Variants in ASB4 observed in about 807,000 individuals in gnomAD.
The protein encoded by ASB4 is ankyrin repeat and SOCS box containing 4, also known as ankyrin repeat and SOCS box protein 4.
Under a neutral mutation model 38.6 loss-of-function variants are expected in ASB4, and 35 were observed. The observed-to-expected ratio is 0.91, with a 90% CI of 0.69 to 1.20. The LOEUF is 1.20. Among genes scored for constraint, ASB4 ranks in the 50% most tolerant of loss-of-function variants. ASB4 has a pLI of 0.00. For synonymous variants in ASB4, 195 were observed against 201.3 expected, an observed-to-expected ratio of 0.97 and a Z score of 0.26; for missense variants, 557 against 527.2, an observed-to-expected ratio of 1.06 and a Z score of -0.55.
upstream of ASB4, among the ~76,000 whole-genome samples, chr7:95,484,026 TAAAA>T (rs11431388): frequency 7.2e-6 from 1 of 138,888 alleles, no homozygotes; most frequent in Non-Finnish European, 1.6e-5. Flanking sequence ...CATTAAAAAG[TAAAA>T]AAAAAAAAAA....
chr7:95,510,634 G>A (rs750962643), intron 2 of ASB4, among the ~76,000 whole-genome samples: 23 of 152,254 alleles, frequency 1.5e-4, no homozygotes, highest in Non-Finnish European at 2.2e-4. Flanking sequence ...TCTCAAGTTT[G>A]GGTTGCTTAC....
chr7:95,537,455 A>G lies in ASB4; in HGVS notation c.1093-116A>G, dbSNP rs560472398. The G allele has an allele frequency of 2.8e-4, 243 of 860,670 alleles. 1 individual carries two copies. The Middle Eastern group carries it at 2.9e-3, about 10-fold the overall frequency. 53.3% of individuals were successfully genotyped at this position (860,670 alleles called of 1,614,324 possible). ...ATTGCGTTTAATTTTTGCCTCACCA[A>G]TAGAGACCCTAGGAAGCTGCCATTA... On this transcript the variant is annotated intron_variant, in intron 4 of 4. Coordinates refer to ENST00000325885, the MANE Select transcript of ASB4 (RefSeq NM_016116.3).
At chr7:95,507,714 A>G (rs1355954883) in intron 2 of ASB4, among the ~76,000 whole-genome samples, 1 of 152,194 alleles carries the variant, frequency 6.6e-6, no homozygotes, top group African/African-American at 2.4e-5. Context: ...AAAAGAGTGC[A>G]GTTGAACCAG....
chr7:95,529,470 A>C (rs544702211), intron 3 of ASB4, among the ~76,000 whole-genome samples: 8 of 152,332 alleles, frequency 5.3e-5, no homozygotes, highest in African/African-American at 1.9e-4. Context: ...AGTTAGAAGA[A>C]AAGTTCTACT....
chr7:95,528,132 C>A lies in ASB4; in HGVS notation c.807C>A (p.His269Gln). The change falls in exon 3 of 5, where the codon CAC becomes CAA. Residue 269 changes from histidine to glutamine, a missense_variant. Physicochemically the swap from His to Gln is conservative, Grantham distance 24. Transcript: ENST00000325885. ...AAWNCDHVLM[H>Q]MMLEAGAEAN... ...GGAACTGTGACCACGTGCTCATGCA[C>A]ATGATGCTGGAAGCTGGCGCCGAAG... The A allele has an allele frequency of 6.2e-7, 1 of 1,614,210 alleles. No homozygotes were observed. Among genetic ancestry groups the A allele is most frequent in the Middle Eastern group, 1.6e-4 (1 of 6,062 alleles).
At chr7:95,544,790 G>T (rs1791011002), downstream of ASB4, among the ~76,000 whole-genome samples, 2 of 152,102 alleles carry the variant, frequency 1.3e-5, no homozygotes, top group African/African-American at 4.8e-5. Flanking sequence ...CGCTTCCCAG[G>T]TTCAAGGGAT....
chr7:95,533,704 G>A (rs1177396010), intron 3 of ASB4, among the ~76,000 whole-genome samples: 1 of 152,144 alleles, frequency 6.6e-6, no homozygotes, highest in African/African-American at 2.4e-5. Flanking sequence ...AAAAGACCCA[G>A]AGGTTAAATT....
At chr7:95,545,608 T>A in the ASB4 span, among the ~76,000 whole-genome samples, 1 of 152,174 alleles carries the variant, frequency 6.6e-6, no homozygotes, top group South Asian at 2.1e-4. Context: ...TTCCTGGGTG[T>A]GGTTTTGTTT....
intron 1 of ASB4, among the ~76,000 whole-genome samples, chr7:95,487,053 C>A (rs1585793467): frequency 1.3e-5 from 2 of 152,236 alleles, no homozygotes; most frequent in East Asian, 3.9e-4. Context: ...TAGAGACAGT[C>A]ATTATTTTAA....
upstream of ASB4, among the ~76,000 whole-genome samples, chr7:95,484,955 C>T (rs183896329): frequency 0.054 from 8,063 of 149,700 alleles, 250 homozygotes; most frequent in African/African-American, 0.073. Flanking sequence ...TTTACACACA[C>T]ATATATATAT....
At chr7:95,485,785 C>T (rs1459170341), upstream of ASB4, 7 of 526,894 alleles carry the variant, frequency 1.3e-5, no homozygotes, top group East Asian at 2.8e-5. Context: ...GTTTAAAGGA[C>T]CTGAAAATGT....
chr7:95,501,063 C>A (rs1033327935), intron 2 of ASB4, among the ~76,000 whole-genome samples: 1 of 152,036 alleles, frequency 6.6e-6, no homozygotes, highest in Non-Finnish European at 1.5e-5. Flanking sequence ...AACATGCAAG[C>A]TTTTTATTTT....
At chr7:95,523,544 G>T (rs1790691840) in intron 2 of ASB4, among the ~76,000 whole-genome samples, 1 of 152,138 alleles carries the variant, frequency 6.6e-6, no homozygotes, top group Non-Finnish European at 1.5e-5. Context: ...CTTTAAGTGT[G>T]TAATATACTG....
chr7:95,541,027 C>T (rs1233100721), downstream of ASB4, among the ~76,000 whole-genome samples: 2 of 152,208 alleles, frequency 1.3e-5, no homozygotes, highest in Non-Finnish European at 2.9e-5. Flanking sequence ...ACTATTCACC[C>T]ATTTTCTTTG....
chr7:95,506,561 T>C (rs1332069336), intron 2 of ASB4, among the ~76,000 whole-genome samples: 2 of 152,216 alleles, frequency 1.3e-5, no homozygotes, highest in East Asian at 3.8e-4. Context: ...CATTTTCTTT[T>C]AGCATGGTGA....
chr7:95,474,748 C>T (rs1212849488), upstream of ASB4, among the ~76,000 whole-genome samples: 3 of 152,128 alleles, frequency 2.0e-5, no homozygotes, highest in African/African-American at 7.2e-5. Context: ...TGGTCATGAA[C>T]TCTTGGGGCT....
At chr7:95,491,040 C>G (rs1790163877) in intron 1 of ASB4, among the ~76,000 whole-genome samples, 1 of 152,216 alleles carries the variant, frequency 6.6e-6, no homozygotes, top group South Asian at 2.1e-4. Context: ...CTTTATACTA[C>G]TTAACCTCTT....
intron 1 of ASB4, among the ~76,000 whole-genome samples, chr7:95,480,249 C>A (rs1562806413): frequency 6.6e-6 from 1 of 152,310 alleles, no homozygotes; most frequent in East Asian, 1.9e-4. Flanking sequence ...ATCTTACTGT[C>A]TGTTTTTTTG....
chr7:95,525,812 A>G (rs2188808), intron 2 of ASB4, among the ~76,000 whole-genome samples: 56,406 of 151,990 alleles, frequency 0.37, 10,896 homozygotes, highest in Middle Eastern at 0.5. Context: ...AGATGGCTTC[A>G]TGAAAGACCA....
Sources: allele counts gnomAD v4.1 joint callset (sites outside exome capture counted in the v4.1 genomes callset), GRCh38; gene constraint gnomAD v4.1.1; transcripts MANE v1.5; gene names NCBI Gene and HGNC (gene_info 2026-07-23, HGNC 2026-07-21).